The following MALRD1 variants were observed in gnomAD, a reference collection of about 807,000 sequenced individuals.
MALRD1 encodes MAM and LDL receptor class A domain containing 1, also known as MAM and LDL-receptor class A domain-containing protein 1.
Under a neutral mutation model 242.1 loss-of-function variants are expected in MALRD1, and 247 were observed. That is an observed-to-expected ratio of 1.02 (90% confidence interval 0.92 to 1.13). The LOEUF (loss-of-function observed/expected upper bound fraction) is 1.13, where lower values mean the gene tolerates loss of function less well. Among genes scored for constraint, MALRD1 ranks in the 50% most tolerant of loss-of-function variants. The pLI, the probability that MALRD1 is intolerant of heterozygous loss-of-function variation, is 0.00. For synonymous variants in MALRD1, 995 were observed against 866.6 expected (o/e 1.15, Z -2.60); for missense variants, 2,989 against 2,533.1 (o/e 1.18, Z -3.86).
intron 18 of MALRD1, among the ~76,000 whole-genome samples, chr10:19,232,578 G>A (rs573960993): frequency 2.0e-5 from 3 of 152,250 alleles, no homozygotes; most frequent in East Asian, 3.9e-4. Flanking sequence ...CCTGTTTTGT[G>A]CAGGGTGAAG....
intron 32 of MALRD1, among the ~76,000 whole-genome samples, chr10:19,550,377 G>T (rs2131404053): frequency 6.6e-6 from 1 of 152,158 alleles, no homozygotes; most frequent in South Asian, 2.1e-4. Flanking sequence ...GGGTACCTGT[G>T]CAGTTTTGTT....
intron 13 of MALRD1, among the ~76,000 whole-genome samples, chr10:19,169,116 C>T (rs1288521819): frequency 2.0e-5 from 3 of 152,118 alleles, no homozygotes; most frequent in African/African-American, 7.2e-5. Context: ...CCCTGAACCA[C>T]TGTGAGGCCT....
At chr10:19,331,701 G>A (rs1843381138) in intron 24 of MALRD1, 119 bp downstream of exon 24, 2 of 773,700 alleles carry the variant, frequency 2.6e-6, no homozygotes, top group African/African-American at 1.7e-5. Context: ...GGGAAGGTAA[G>A]GTGATTTAAC....
intron 28 of MALRD1, among the ~76,000 whole-genome samples, chr10:19,421,858 G>A (rs1459139105): frequency 6.6e-6 from 1 of 152,196 alleles, no homozygotes; most frequent in Non-Finnish European, 1.5e-5. Context: ...TTGAGAGTTT[G>A]GCTTAGATGC....
At chr10:19,494,058 G>C (rs1290116646) in intron 30 of MALRD1, among the ~76,000 whole-genome samples, 1 of 152,114 alleles carries the variant, frequency 6.6e-6, no homozygotes, top group African/African-American at 2.4e-5. Context: ...AGGGAGCACA[G>C]CTGCAACTGT....
chr10:19,364,385 T>C (rs376809597), intron 26 of MALRD1, among the ~76,000 whole-genome samples: 9 of 152,258 alleles, frequency 5.9e-5, no homozygotes, highest in African/African-American at 2.2e-4. Context: ...AATATGTTCC[T>C]TAGCACTCAC....
rs1261515901 is a variant in MALRD1 at position 19,421,320 on chromosome 10, A to G, written c.4846-28987A>G. On this transcript the variant is annotated intron_variant, in intron 28 of 39. Transcript: ENST00000454679. ...CCAGGATTTGAACCCTGGCTTTCCAATGCGCTCTGATTCTAAGCACTGACA... is the reference window on the plus strand; with the variant it reads ...CCAGGATTTGAACCCTGGCTTTCCAGTGCGCTCTGATTCTAAGCACTGACA... Among the ~76,000 whole-genome samples, 5 of 152,176 alleles carry G rather than the reference A, an allele frequency of 3.3e-5. No homozygotes were observed. The East Asian group carries it at 5.8e-4, about 18-fold the overall frequency.
rs560075129 is a variant in MALRD1 at position 19,165,820 on chromosome 10, T to C, written c.1830+10T>C. On this transcript the variant is annotated intron_variant, in intron 13 of 39. Coordinates refer to ENST00000454679, the MANE Select transcript of MALRD1 (RefSeq NM_001142308.3). ...TACTCTACCTTTTCAGGTAAGCACA[T>C]ACGAAATTAATACAACTCAACAGAA... The C allele has an allele frequency of 8.1e-7, 1 of 1,231,432 alleles. No individual in the cohort carries two copies. The highest frequency in any genetic ancestry group is 3.2e-5 in the East Asian group (1 of 31,680). The allele number at this position is 1,231,432 out of a possible 1,614,324, so 76.3% of individuals were successfully genotyped here.
rs139531488 is a variant in MALRD1 at position 19,332,174 on chromosome 10, G to GTTTTTTTTTT, written c.3901+594_3901+595insTTTTTTTTTT. 1.4e-5 allele frequency among the ~76,000 whole-genome samples: 2 copies of GTTTTTTTTTT among 142,874 alleles called. 1 individual carries two copies. The allele number at this position is 142,874 out of a possible 152,430, so 93.7% of individuals were successfully genotyped here. ...TTACTGTGCCTGGCCTGAAATAAAT[G>GTTTTTTTTTT]TTGTTTTTTTTTTTTTGAAAAATGA... On this transcript the variant is annotated intron_variant, in intron 24 of 39. Transcript: ENST00000454679.
chr10:19,233,371 G>C (rs868853125), intron 18 of MALRD1, among the ~76,000 whole-genome samples: 1 of 152,012 alleles, frequency 6.6e-6, no homozygotes, highest in Admixed American at 6.6e-5. Context: ...GTGTGGTGGC[G>C]AGTGCCTGTC....
chr10:19,141,894 C>T (rs972738812), intron 10 of MALRD1, among the ~76,000 whole-genome samples: 4 of 151,786 alleles, frequency 2.6e-5, no homozygotes, highest in African/African-American at 4.8e-5. Context: ...AATGTTGGGC[C>T]GGGTGCGGTG....
At chr10:19,130,564 A>G (rs902575701) in intron 8 of MALRD1, among the ~76,000 whole-genome samples, 1 of 152,176 alleles carries the variant, frequency 6.6e-6, no homozygotes, top group Non-Finnish European at 1.5e-5. Context: ...TTGTATTATA[A>G]TATGGTCTAA....
chr10:19,712,530 TGTTAA>T (rs1245107867), intron 38 of MALRD1, among the ~76,000 whole-genome samples: 18 of 152,224 alleles, frequency 1.2e-4, no homozygotes, highest in Admixed American at 5.9e-4. Context: ...AACATAAGGC[TGTTAA>T]GTTTAAATTG....
chr10:19,276,295 A>G (rs1021008856), intron 19 of MALRD1, among the ~76,000 whole-genome samples: 1 of 105,144 alleles, frequency 9.5e-6, no homozygotes, highest in Admixed American at 1.2e-4. Context: ...ATGCATTTTA[A>G]TTATATATAT....
intron 14 of MALRD1, among the ~76,000 whole-genome samples, chr10:19,201,493 G>A (rs149079905): frequency 1.8e-4 from 28 of 152,256 alleles, no homozygotes; most frequent in African/African-American, 6.7e-4. Context: ...ATGGGAGATA[G>A]ATATTATACA....
At chr10:19,583,654 A>T (rs1228178338) in intron 33 of MALRD1, among the ~76,000 whole-genome samples, 1 of 152,082 alleles carries the variant, frequency 6.6e-6, no homozygotes, top group African/African-American at 2.4e-5. Flanking sequence ...TTTTGCATCA[A>T]TGTTCATCAA....
At chr10:19,545,335 A>G (rs1320266487) in intron 32 of MALRD1, among the ~76,000 whole-genome samples, 2 of 152,202 alleles carry the variant, frequency 1.3e-5, no homozygotes, top group African/African-American at 4.8e-5. Context: ...AGGGGAATAC[A>G]TTCATCCTGT....
intron 26 of MALRD1, among the ~76,000 whole-genome samples, chr10:19,386,337 G>A (rs753497626): frequency 6.6e-6 from 1 of 151,930 alleles, no homozygotes. Flanking sequence ...GGTTCATGTG[G>A]CAGGGTGGGG....
At chr10:19,496,794 G>T (rs1310397770) in intron 30 of MALRD1, among the ~76,000 whole-genome samples, 1 of 152,134 alleles carries the variant, frequency 6.6e-6, no homozygotes, top group Non-Finnish European at 1.5e-5. Context: ...TGGCTGTGTG[G>T]CTGCAAATTA....
Sources: gnomAD v4.1 joint callset for allele counts (sites outside exome capture counted in the v4.1 genomes callset) on GRCh38, gnomAD v4.1.1 for gene constraint, MANE v1.5 for transcripts, NCBI Gene and HGNC (gene_info 2026-07-23, HGNC 2026-07-21) for gene names.